ADGRB3: variants seen among roughly 807,000 people sequenced by gnomAD.
ADGRB3 encodes the protein brain-specific angiogenesis inhibitor 3.
Under a neutral mutation model 193.4 loss-of-function variants are expected in ADGRB3, and 37 were observed. The ratio of observed to expected loss-of-function variants is 0.19; its 90% CI spans 0.15 to 0.25. ADGRB3 has a LOEUF of 0.25. Among genes scored for constraint, ADGRB3 ranks in the 10% least tolerant of loss-of-function variants. The pLI is 1.00. For missense variants in ADGRB3, 1,637 were observed against 1,852.9 expected, an observed-to-expected ratio of 0.88 and a Z score of 2.14; for synonymous variants, 690 against 644.2, an observed-to-expected ratio of 1.07 and a Z score of -1.08.
intron 5 of ADGRB3, among the ~76,000 whole-genome samples, chr6:68,938,794 A>C (rs1254305724): frequency 6.6e-6 from 1 of 152,168 alleles, no homozygotes; most frequent in African/African-American, 2.4e-5. Context: ...ACAGTATTGA[A>C]ATAAGGAGAT....
At chr6:69,181,706 T>A (rs1419294576) in intron 17 of ADGRB3, among the ~76,000 whole-genome samples, 2 of 152,248 alleles carry the variant, frequency 1.3e-5, no homozygotes, top group Non-Finnish European at 2.9e-5. Context: ...CAATGATTAC[T>A]ATCTGCAAAA....
intron 15 of ADGRB3, among the ~76,000 whole-genome samples, chr6:69,054,508 C>G (rs1301985060): frequency 2.0e-5 from 3 of 152,142 alleles, no homozygotes; most frequent in Non-Finnish European, 4.4e-5. Flanking sequence ...TTAATTCTCA[C>G]TTTGCAATGG....
At chr6:69,048,116 C>G (rs997085330) in intron 13 of ADGRB3, 69 bp from the exon 14 acceptor site, 1 of 1,458,890 alleles carries the variant, frequency 6.9e-7, no homozygotes. Context: ...CAAGATTTAC[C>G]TTGATCAACA....
intron 11 of ADGRB3, among the ~76,000 whole-genome samples, chr6:69,002,932 G>T (rs1320302040): frequency 1.3e-5 from 2 of 152,146 alleles, no homozygotes; most frequent in Non-Finnish European, 2.9e-5. Context: ...GATAGGGAAT[G>T]GAAGCAGGGG....
intron 17 of ADGRB3, among the ~76,000 whole-genome samples, chr6:69,098,703 A>C (rs550510417): frequency 1.6e-3 from 246 of 152,318 alleles, no homozygotes; most frequent in Non-Finnish European, 2.8e-3. Context: ...TTGGACAAGG[A>C]CACAAAACCA....
chr6:69,296,121 G>T (rs1171407787), intron 20 of ADGRB3, among the ~76,000 whole-genome samples: 1 of 152,092 alleles, frequency 6.6e-6, no homozygotes, highest in African/African-American at 2.4e-5. Context: ...TGTTTTACCA[G>T]TGACTCTCAT....
intron 15 of ADGRB3, among the ~76,000 whole-genome samples, chr6:69,060,272 C>T (rs1422657439): frequency 6.7e-6 from 1 of 150,010 alleles, no homozygotes; most frequent in African/African-American, 2.5e-5. Context: ...CTCCTTCTCT[C>T]TCAGCAAAAG....
intron 6 of ADGRB3, among the ~76,000 whole-genome samples, chr6:68,950,059 T>C (rs1240557900): frequency 6.6e-6 from 1 of 152,062 alleles, no homozygotes; most frequent in African/African-American, 2.4e-5. Context: ...CAAGAGGTTG[T>C]ACTCTGTTTT....
intron 3 of ADGRB3, among the ~76,000 whole-genome samples, chr6:68,761,104 C>A (rs1268277866): frequency 6.6e-6 from 1 of 152,142 alleles, no homozygotes; most frequent in African/African-American, 2.4e-5. Flanking sequence ...CCCTGGTGAT[C>A]CTAAGAAACA....
intron 29 of ADGRB3, among the ~76,000 whole-genome samples, chr6:69,362,022 T>C (rs1313516872): frequency 1.3e-5 from 2 of 151,930 alleles, no homozygotes; most frequent in Non-Finnish European, 2.9e-5. Flanking sequence ...GAAAAACTAA[T>C]TATTATTACA....
chr6:68,779,808 G>C (rs1766820019), intron 3 of ADGRB3, among the ~76,000 whole-genome samples: 1 of 152,084 alleles, frequency 6.6e-6, no homozygotes, highest in African/African-American at 2.4e-5. Context: ...GAGGAAATGA[G>C]AGAGAAAGAG....
intron 20 of ADGRB3, among the ~76,000 whole-genome samples, chr6:69,287,167 G>GT (rs1050310909): frequency 6.6e-6 from 1 of 152,134 alleles, no homozygotes; most frequent in African/African-American, 2.4e-5. Context: ...TGGTGTATGT[G>GT]TTTTTTATGT....
chr6:68,753,957 G>A (rs1766252615), intron 3 of ADGRB3, among the ~76,000 whole-genome samples: 1 of 152,130 alleles, frequency 6.6e-6, no homozygotes. Flanking sequence ...AGGACATGGG[G>A]ATCTGGAAAG....
At chr6:69,352,942 ATTTG>A (rs1769258493) in intron 26 of ADGRB3, among the ~76,000 whole-genome samples, 1 of 152,224 alleles carries the variant, frequency 6.6e-6, no homozygotes, top group African/African-American at 2.4e-5. Flanking sequence ...ATCATCTATG[ATTTG>A]TTTTTTAATC....
intron 3 of ADGRB3, among the ~76,000 whole-genome samples, chr6:68,806,042 C>T (rs1767394533): frequency 6.6e-6 from 1 of 152,204 alleles, no homozygotes; most frequent in Non-Finnish European, 1.5e-5. Context: ...CACGTAGTCA[C>T]AGCCAACATT....
At chr6:68,854,531 T>TA (rs199895494) in intron 3 of ADGRB3, among the ~76,000 whole-genome samples, 1 of 149,618 alleles carries the variant, frequency 6.7e-6, no homozygotes, top group East Asian at 2.1e-4. Flanking sequence ...TTTAAAAATC[T>TA]AAAAAATTTT....
chr6:68,782,597 G>A (rs1322831683), intron 3 of ADGRB3, among the ~76,000 whole-genome samples: 24 of 152,076 alleles, frequency 1.6e-4, no homozygotes, highest in Middle Eastern at 3.4e-3. Flanking sequence ...CAACAGTGCA[G>A]AAGTGTTCCT....
At position 69,175,745 on chromosome 6, in the gene ADGRB3, T is replaced by A. The variant is rs574104779; in HGVS notation, c.2481-57545T>A. On this transcript the variant is annotated intron_variant, in intron 17 of 31. Coordinates refer to ENST00000370598, the MANE Select transcript of ADGRB3 (RefSeq NM_001704.3). ...GCCTTAAGCAGTATGGCCATTATAG[T>A]GATATTGACTGCCAATTCATGAGCA... 2.0e-5 allele frequency among the ~76,000 whole-genome samples: 3 copies of A among 152,318 alleles called. No homozygotes were observed. The East Asian group carries it at 5.8e-4, about 29-fold the overall frequency.
chr6:69,328,341 G>A (rs1376952725), intron 22 of ADGRB3, among the ~76,000 whole-genome samples: 4 of 152,060 alleles, frequency 2.6e-5, no homozygotes, highest in South Asian at 2.1e-4. Flanking sequence ...TATAGATCAA[G>A]GGAACCAATG....
Sources: gnomAD v4.1 joint callset for allele counts (sites outside exome capture counted in the v4.1 genomes callset) on GRCh38, gnomAD v4.1.1 for gene constraint, MANE v1.5 for transcripts, NCBI Gene and HGNC (gene_info 2026-07-23, HGNC 2026-07-21) for gene names.